The following PRKCB variants were observed in gnomAD, a reference collection of about 807,000 sequenced individuals.
The protein encoded by PRKCB is protein kinase C beta type.
PRKCB carries 13 observed loss-of-function variants against 81.5 expected under a neutral mutation model. The observed-to-expected ratio is 0.16, with a 90% CI of 0.10 to 0.25. The LOEUF is 0.25. Among genes scored for constraint, PRKCB ranks in the 10% least tolerant of loss-of-function variants. The pLI, the probability that PRKCB is intolerant of heterozygous loss-of-function variation, is 1.00. For synonymous variants in PRKCB, 335 were observed against 321.4 expected, an observed-to-expected ratio of 1.04 and a Z score of -0.45; for missense variants, 509 against 875.7, an observed-to-expected ratio of 0.58 and a Z score of 5.29.
chr16:24,017,498 G>C (rs188263456), intron 3 of PRKCB, among the ~76,000 whole-genome samples: 1 of 148,272 alleles, frequency 6.7e-6, no homozygotes, highest in South Asian at 2.1e-4. Flanking sequence ...AAACACGCAG[G>C]CACACACACA....
At chr16:24,151,167 G>A (rs967233325) in intron 9 of PRKCB, among the ~76,000 whole-genome samples, 1 of 152,100 alleles carries the variant, frequency 6.6e-6, no homozygotes, top group Non-Finnish European at 1.5e-5. Context: ...ACTTGAACAA[G>A]CAAATCTCAT....
intron 3 of PRKCB, among the ~76,000 whole-genome samples, chr16:23,990,045 C>T (rs965889256): frequency 1.2e-4 from 18 of 152,092 alleles, no homozygotes; most frequent in Non-Finnish European, 1.6e-4. Flanking sequence ...GACACATTGC[C>T]GACATCCTGA....
In PRKCB at chr16:24,217,872, G is replaced by T. The variant is rs41311260; in HGVS notation, c.*3056G>T. On this transcript the variant is annotated 3_prime_UTR_variant, in exon 17 of 17. Coordinates refer to ENST00000643927, the MANE Select transcript of PRKCB (RefSeq NM_002738.7). Reference sequence around the variant, plus strand: ...CCTTTAGGGGCCCTAACACAGTTCAGTTCATACAGGGGTTCAAAAGGGACA... The same window carrying T: ...CCTTTAGGGGCCCTAACACAGTTCATTTCATACAGGGGTTCAAAAGGGACA... The T allele has an allele frequency of 0.011, 10,631 of 985,396 alleles. 69 individuals carry two copies. Among genetic ancestry groups the T allele is most frequent in the Middle Eastern group, 0.014 (26 of 1,916 alleles). 61.0% of individuals were successfully genotyped at this position (985,396 alleles called of 1,614,324 possible). A position where few individuals can be genotyped will look rare whatever the true frequency, so the allele number is the denominator to read the frequency against.
chr16:23,935,652 G>A (rs1964048254), intron 2 of PRKCB, among the ~76,000 whole-genome samples: 1 of 152,092 alleles, frequency 6.6e-6, no homozygotes, highest in African/African-American at 2.4e-5. Flanking sequence ...ACAAAGATAT[G>A]GAATCAACCC....
intron 2 of PRKCB, among the ~76,000 whole-genome samples, chr16:23,874,910 C>T (rs1207953343): frequency 1.3e-5 from 2 of 152,144 alleles, no homozygotes; most frequent in African/African-American, 4.8e-5. Context: ...GACCTTAATA[C>T]TTGCTCATGT....
intron 16 of PRKCB, among the ~76,000 whole-genome samples, chr16:24,207,090 C>T (rs530821667): frequency 1.3e-5 from 2 of 152,228 alleles, no homozygotes; most frequent in Admixed American, 6.5e-5. Flanking sequence ...GGCGTCATGC[C>T]CTGAGAAGTT....
At chr16:24,210,197 G>C (rs1968118323) in intron 16 of PRKCB, among the ~76,000 whole-genome samples, 1 of 152,106 alleles carries the variant, frequency 6.6e-6, no homozygotes, top group Non-Finnish European at 1.5e-5. Flanking sequence ...TTCTCATCTA[G>C]CTGAGATGAA....
At chr16:23,855,648 G>A (rs1003560382) in intron 2 of PRKCB, among the ~76,000 whole-genome samples, 14 of 152,198 alleles carry the variant, frequency 9.2e-5, no homozygotes, top group Admixed American at 9.2e-4. Context: ...GGTTTATTGG[G>A]GATGTAGCTC....
rs147611851 is a variant in PRKCB at position 24,160,247 on chromosome 16, A to G, written c.1239+5390A>G. 6.2e-3 allele frequency among the ~76,000 whole-genome samples: 872 copies of G among 141,456 alleles called. 9 individuals carry two copies. Among genetic ancestry groups the G allele is most frequent in the African/African-American group, 0.022 (818 of 37,788 alleles). The allele number at this position is 141,456 out of a possible 152,430, so 92.8% of individuals were successfully genotyped here. ...AAGTTACTCCGCTTATCCTACAGGG[A>G]TATTGCAAGGATTAGATAAGATTTT... is the stretch of plus-strand genomic sequence containing the variant. On this transcript the variant is annotated intron_variant, in intron 10 of 16. Coordinates refer to ENST00000643927, the MANE Select transcript of PRKCB (RefSeq NM_002738.7).
chr16:23,956,750 A>G (rs1596486636), intron 2 of PRKCB, among the ~76,000 whole-genome samples: 1 of 152,336 alleles, frequency 6.6e-6, no homozygotes, highest in South Asian at 2.1e-4. Flanking sequence ...AATAATTGCT[A>G]AAATTTTTCT....
intron 2 of PRKCB, among the ~76,000 whole-genome samples, chr16:23,930,650 T>G (rs905921357): frequency 1.3e-5 from 2 of 152,138 alleles, no homozygotes; most frequent in Non-Finnish European, 2.9e-5. Flanking sequence ...AATTCAGCTT[T>G]CAATGTCTGT....
chr16:24,201,082 C>G (rs932122891), intron 16 of PRKCB, among the ~76,000 whole-genome samples: 2 of 152,058 alleles, frequency 1.3e-5, no homozygotes, highest in Non-Finnish European at 2.9e-5. Context: ...CCTCCTTGCC[C>G]AGCTTCCATC....
At chr16:23,927,139 C>T (rs1387753485) in intron 2 of PRKCB, among the ~76,000 whole-genome samples, 2 of 151,896 alleles carry the variant, frequency 1.3e-5, no homozygotes, top group South Asian at 4.2e-4. Flanking sequence ...ATGGTGTGAG[C>T]GTAGAGTTGG....
intron 5 of PRKCB, among the ~76,000 whole-genome samples, chr16:24,066,780 G>T (rs1374761436): frequency 1.3e-5 from 2 of 152,126 alleles, no homozygotes; most frequent in African/African-American, 4.8e-5. Flanking sequence ...GAGAAGTACT[G>T]GTCAAGTATC....
rs775620872 is a variant in PRKCB at position 23,933,767 on chromosome 16, AC to A, written c.206-54740del. ...CGTCCATCCATCTATCCATCTATCC[AC>A]TCCATCCATCCATCCATCCATCCAT... On this transcript the variant is annotated intron_variant, in intron 2 of 16. Coordinates refer to ENST00000643927, the MANE Select transcript of PRKCB (RefSeq NM_002738.7). 9.4e-5 allele frequency among the ~76,000 whole-genome samples: 6 copies of A among 64,150 alleles called. No homozygotes were observed. In the South Asian group the frequency reaches 2.5e-3, roughly 26 times the overall value. 42.1% of individuals were successfully genotyped at this position (64,150 alleles called of 152,430 possible).
intron 2 of PRKCB, 40 bp downstream of exon 2, chr16:23,837,446 G>C: frequency 6.3e-7 from 1 of 1,592,848 alleles, no homozygotes; most frequent in Non-Finnish European, 8.5e-7. Context: ...TGTGGGAAGA[G>C]AGGGTGAAAA....
intron 16 of PRKCB, among the ~76,000 whole-genome samples, chr16:24,204,295 G>A (rs1410502105): frequency 6.6e-6 from 1 of 152,086 alleles, no homozygotes; most frequent in East Asian, 1.9e-4. Context: ...TAACTTTTAA[G>A]TCCGTGCCAC....
intron 7 of PRKCB, among the ~76,000 whole-genome samples, chr16:24,107,706 T>C (rs1966596381): frequency 6.6e-6 from 1 of 152,202 alleles, no homozygotes. Context: ...TGTGGCACCA[T>C]GCCCCTGCCC....
At chr16:23,913,658 A>C (rs1384260201) in intron 2 of PRKCB, among the ~76,000 whole-genome samples, 10 of 152,180 alleles carry the variant, frequency 6.6e-5, no homozygotes, top group Non-Finnish European at 1.0e-4. Flanking sequence ...AGAGGGGAAA[A>C]AATAAGCATG....
Sources: allele counts gnomAD v4.1 joint callset (sites outside exome capture counted in the v4.1 genomes callset), GRCh38; gene constraint gnomAD v4.1.1; transcripts MANE v1.5; gene names NCBI Gene and HGNC (gene_info 2026-07-23, HGNC 2026-07-21).